MGAT4C: variants seen among roughly 807,000 people sequenced by gnomAD.
The protein encoded by MGAT4C is MGAT4 family member C.
A neutral mutation model predicts 40.1 loss-of-function variants in MGAT4C; 19 were observed. The observed-to-expected ratio is 0.47, with a 90% confidence interval of 0.33 to 0.70. The LOEUF is 0.70. Among genes scored for constraint, MGAT4C ranks in the 30% least tolerant of loss-of-function variants. MGAT4C has a pLI of 0.02. For synonymous variants in MGAT4C, 181 were observed against 187.1 expected (o/e 0.97, Z 0.27); for missense variants, 491 against 563.2 (o/e 0.87, Z 1.30).
chr12:86,358,088 G>C (rs1592737101), intron 3 of MGAT4C, among the ~76,000 whole-genome samples: 1 of 152,190 alleles, frequency 6.6e-6, no homozygotes, highest in Non-Finnish European at 1.5e-5. Context: ...AGAAAGGTCA[G>C]GTTACTGACA....
At chr12:86,683,728 C>G (rs1332056127) in intron 2 of MGAT4C, among the ~76,000 whole-genome samples, 1 of 152,160 alleles carries the variant, frequency 6.6e-6, no homozygotes, top group African/African-American at 2.4e-5. Flanking sequence ...AATTTCTCCC[C>G]ACGTTTTTTT....
chr12:86,688,151 C>A (rs1950106930), intron 2 of MGAT4C, among the ~76,000 whole-genome samples: 1 of 138,218 alleles, frequency 7.2e-6, no homozygotes, highest in Non-Finnish European at 1.5e-5. Context: ...AGGAATGCAA[C>A]CCCTGCTTTT....
chr12:86,784,122 CA>C lies in MGAT4C; in HGVS notation c.-262+54543del, dbSNP rs1172063787. Among the ~76,000 whole-genome samples the C allele has an allele frequency of 2.0e-5, 3 of 152,026 alleles. No homozygotes were observed. The East Asian group carries it at 5.8e-4, about 29-fold the overall frequency. On this transcript the variant is annotated intron_variant, in intron 1 of 7. Coordinates refer to the MGAT4C transcript ENST00000548651. ...TCCTGATGGTGCCTAACTGATTATCCAGTATATTCATTGCAATTAAATAATG... is the reference window on the plus strand; with the variant it reads ...TCCTGATGGTGCCTAACTGATTATCCGTATATTCATTGCAATTAAATAATG...
chr12:86,457,660 A>G (rs955833927), intron 2 of MGAT4C, among the ~76,000 whole-genome samples: 8 of 152,102 alleles, frequency 5.3e-5, no homozygotes, highest in Non-Finnish European at 1.0e-4. Context: ...TAGCATGTTA[A>G]TTTATTGAGC....
At chr12:85,988,273 T>A (rs1324628856) in intron 3 of MGAT4C, among the ~76,000 whole-genome samples, 1 of 152,064 alleles carries the variant, frequency 6.6e-6, no homozygotes, top group Non-Finnish European at 1.5e-5. Context: ...AATTTCAGCA[T>A]CAAAGAACAG....
intron 3 of MGAT4C, among the ~76,000 whole-genome samples, chr12:86,407,767 A>G (rs1956504607): frequency 6.6e-6 from 1 of 152,104 alleles, no homozygotes; most frequent in African/African-American, 2.4e-5. Context: ...TACTCGGTAG[A>G]AAGACAACGT....
At chr12:86,627,062 A>T (rs191672251) in intron 2 of MGAT4C, among the ~76,000 whole-genome samples, 1 of 152,298 alleles carries the variant, frequency 6.6e-6, no homozygotes, top group East Asian at 1.9e-4. Context: ...ACAGCAGGAG[A>T]TTATATCCCA....
chr12:86,830,589 A>G (rs1054381449), intron 1 of MGAT4C, among the ~76,000 whole-genome samples: 2 of 151,778 alleles, frequency 1.3e-5, no homozygotes, highest in African/African-American at 2.4e-5. Flanking sequence ...TGCCAACTCT[A>G]TAGGTCCAAT....
At chr12:86,312,923 ATAT>A (rs1460681648) in intron 4 of MGAT4C, among the ~76,000 whole-genome samples, 3 of 152,140 alleles carry the variant, frequency 2.0e-5, no homozygotes, top group Admixed American at 2.0e-4. Flanking sequence ...CCCAAGCATA[ATAT>A]TCAAGGTCTT....
At chr12:85,999,152 C>T in intron 2 of MGAT4C, among the ~76,000 whole-genome samples, 1 of 152,100 alleles carries the variant, frequency 6.6e-6, no homozygotes, top group East Asian at 1.9e-4. Flanking sequence ...TCTCATGAGA[C>T]TTATTCACTA....
intron 1 of MGAT4C, among the ~76,000 whole-genome samples, chr12:86,072,523 G>A (rs1868754403): frequency 6.6e-6 from 1 of 152,052 alleles, no homozygotes; most frequent in Non-Finnish European, 1.5e-5. Flanking sequence ...TAGATAGAAA[G>A]ACACAGACAA....
chr12:86,638,368 G>A (rs1963283321), intron 2 of MGAT4C, among the ~76,000 whole-genome samples: 1 of 151,806 alleles, frequency 6.6e-6, no homozygotes, highest in Non-Finnish European at 1.5e-5. Flanking sequence ...TAGAGGCCCT[G>A]TTATGGACTG....
chr12:86,718,709 G>A (rs139168231), intron 2 of MGAT4C, among the ~76,000 whole-genome samples: 4 of 152,166 alleles, frequency 2.6e-5, no homozygotes, highest in Non-Finnish European at 5.9e-5. Flanking sequence ...TCAGATCAGC[G>A]GGGTCATTAG....
At chr12:86,661,264 C>A (rs1337329151) in intron 2 of MGAT4C, among the ~76,000 whole-genome samples, 1 of 151,416 alleles carries the variant, frequency 6.6e-6, no homozygotes, top group African/African-American at 2.4e-5. Flanking sequence ...TTTAAAAAAT[C>A]ACAATTTTCA....
Position 86,231,797 on chromosome 12 carries a change from C to T in MGAT4C, c.-57+24442G>A, listed in dbSNP as rs114546171. ...ATGCTCATAATTATATTATTTAATACCAAGTAACAGCCTTCTAACAAAGAC... is the reference window on the plus strand; with the variant it reads ...ATGCTCATAATTATATTATTTAATATCAAGTAACAGCCTTCTAACAAAGAC... On this transcript the variant is annotated intron_variant, in intron 1 of 4. Transcript: ENST00000611864. 3.5e-3 allele frequency among the ~76,000 whole-genome samples: 528 copies of T among 151,944 alleles called. 1 individual carries two copies. Among genetic ancestry groups the T allele is most frequent in the African/African-American group, 0.012 (512 of 41,450 alleles).
intron 2 of MGAT4C, among the ~76,000 whole-genome samples, chr12:86,444,470 C>A (rs1300864967): frequency 6.6e-6 from 1 of 152,138 alleles, no homozygotes; most frequent in Non-Finnish European, 1.5e-5. Context: ...TGCAACCTGA[C>A]CTTTTTCCAC....
chr12:86,642,495 T>C (rs565043576), intron 2 of MGAT4C, among the ~76,000 whole-genome samples: 4 of 151,960 alleles, frequency 2.6e-5, no homozygotes, highest in Non-Finnish European at 5.9e-5. Context: ...TAGAATACTA[T>C]TATTAATGTT....
chr12:86,515,521 C>G (rs940297819), intron 2 of MGAT4C, among the ~76,000 whole-genome samples: 1 of 151,824 alleles, frequency 6.6e-6, no homozygotes, highest in African/African-American at 2.4e-5. Flanking sequence ...TTTAAAATTT[C>G]TATTTTAAAA....
At chr12:86,463,557 G>T (rs562772654) in intron 2 of MGAT4C, among the ~76,000 whole-genome samples, 1 of 152,172 alleles carries the variant, frequency 6.6e-6, no homozygotes, top group African/African-American at 2.4e-5. Flanking sequence ...TCATGCATCA[G>T]AACTTGACTT....
Sources: gnomAD v4.1 joint callset for allele counts (sites outside exome capture counted in the v4.1 genomes callset) on GRCh38, gnomAD v4.1.1 for gene constraint, MANE v1.5 for transcripts, NCBI Gene and HGNC (gene_info 2026-07-23, HGNC 2026-07-21) for gene names.